The following TBC1D19 variants were observed in gnomAD, a reference collection of about 807,000 sequenced individuals.
TBC1D19 encodes the protein TBC1 domain family, member 19.
A neutral mutation model predicts 89.0 loss-of-function variants in TBC1D19; 60 were observed. The ratio of observed to expected loss-of-function variants is 0.67; its 90% confidence interval spans 0.55 to 0.84. The LOEUF (loss-of-function observed/expected upper bound fraction) is 0.84, where lower values mean the gene tolerates loss of function less well. Among genes scored for constraint, TBC1D19 ranks in the 40% least tolerant of loss-of-function variants. TBC1D19 has a pLI of 0.00. For missense variants in TBC1D19, 500 were observed against 610.8 expected (o/e 0.82, Z 1.91); for synonymous variants, 189 against 199.7 (o/e 0.95, Z 0.45).
the TBC1D19 span, among the ~76,000 whole-genome samples, chr4:26,789,848 A>G: frequency 6.6e-6 from 1 of 152,262 alleles, no homozygotes; most frequent in Non-Finnish European, 1.5e-5. Context: ...ATGGAATACT[A>G]TGCAGCCATA....
chr4:26,776,868 AT>A, the TBC1D19 span, among the ~76,000 whole-genome samples: 1 of 151,810 alleles, frequency 6.6e-6, no homozygotes, highest in African/African-American at 2.4e-5. Flanking sequence ...TTTTGTAAGG[AT>A]TTTTTTCCTT....
In TBC1D19 at chr4:26,683,706, A is replaced by T; in HGVS notation, c.848A>T (p.Asn283Ile). 6.2e-7 allele frequency: 1 copy of T among 1,613,084 alleles called. No homozygotes were observed. The highest frequency in any genetic ancestry group is 8.5e-7 in the Non-Finnish European group (1 of 1,179,658). The change falls in exon 12 of 21, where the codon AAT (asparagine) becomes ATT (isoleucine). Residue 283 changes from asparagine (N) to isoleucine (I), a missense_variant. Coordinates refer to ENST00000264866, the MANE Select transcript of TBC1D19 (RefSeq NM_018317.4). Reference sequence around the variant, plus strand: ...TTGTATTATGAGCAGCTTAAGACCAATGTGATACAACATGACCTTTTGGTG... The same window carrying T: ...TTGTATTATGAGCAGCTTAAGACCATTGTGATACAACATGACCTTTTGGTG... ...DVLYYEQLKT[N>I]VIQHDLLVDS... is the part of the protein sequence containing the mutation.
At chr4:26,739,778 A>T (rs1395704272) in intron 16 of TBC1D19, 86 bp from the exon 17 acceptor site, 4 of 770,478 alleles carry the variant, frequency 5.2e-6, no homozygotes, top group Non-Finnish European at 7.8e-6. Context: ...TTACTATAAA[A>T]TAGTGATTTA....
chr4:26,775,838 T>G, the TBC1D19 span, among the ~76,000 whole-genome samples: 6 of 152,198 alleles, frequency 3.9e-5, no homozygotes, highest in African/African-American at 1.4e-4. Flanking sequence ...TGGTATCTTA[T>G]TATTCTTCAA....
chr4:26,734,657 T>C (rs1217322403), intron 15 of TBC1D19, among the ~76,000 whole-genome samples: 1 of 152,160 alleles, frequency 6.6e-6, no homozygotes, highest in East Asian at 1.9e-4. Context: ...AATTTTCAGT[T>C]AGTTTACTTA....
intron 15 of TBC1D19, among the ~76,000 whole-genome samples, chr4:26,726,126 A>AACACACAC (rs56262902): frequency 2.5e-4 from 32 of 127,180 alleles, no homozygotes; most frequent in Middle Eastern, 3.8e-3. Context: ...CAATTCTCCC[A>AACACACAC]ACACACACAC....
At chr4:26,761,543 T>C in the TBC1D19 span, among the ~76,000 whole-genome samples, 1 of 152,220 alleles carries the variant, frequency 6.6e-6, no homozygotes. Flanking sequence ...ATATTTTATA[T>C]TGACCTTGTA....
chr4:26,629,988 G>C (rs1042540424), intron 4 of TBC1D19, among the ~76,000 whole-genome samples: 3 of 151,270 alleles, frequency 2.0e-5, no homozygotes, highest in African/African-American at 7.3e-5. Flanking sequence ...TAGATAGCTG[G>C]GTTATAATTA....
At chr4:26,628,025 A>G (rs1742545594) in intron 4 of TBC1D19, among the ~76,000 whole-genome samples, 1 of 152,132 alleles carries the variant, frequency 6.6e-6, no homozygotes, top group South Asian at 2.1e-4. Flanking sequence ...TTTAGGTCTA[A>G]CGTTTAAGTC....
chr4:26,691,426 TCAATGCAG>T (rs1577939249), intron 13 of TBC1D19, among the ~76,000 whole-genome samples: 2 of 152,288 alleles, frequency 1.3e-5, no homozygotes, highest in East Asian at 3.9e-4. Context: ...GAAGAGTCTA[TCAATGCAG>T]CAAATTTATT....
chr4:26,577,924 A>G (rs905416695), intron 1 of TBC1D19, among the ~76,000 whole-genome samples: 4 of 152,326 alleles, frequency 2.6e-5, no homozygotes, highest in African/African-American at 9.6e-5. Context: ...TTTTTTAGAT[A>G]AAACAAGAGC....
the TBC1D19 span, among the ~76,000 whole-genome samples, chr4:26,813,424 C>T: frequency 6.6e-6 from 1 of 152,194 alleles, no homozygotes; most frequent in Non-Finnish European, 1.5e-5. Flanking sequence ...ATAGCAATCA[C>T]TGACCTAAAT....
At chr4:26,678,988 C>T (rs2109128337) in intron 11 of TBC1D19, among the ~76,000 whole-genome samples, 1 of 152,204 alleles carries the variant, frequency 6.6e-6, no homozygotes, top group Non-Finnish European at 1.5e-5. Flanking sequence ...TTCTAAGCAG[C>T]AAAGCATTGA....
intron 2 of TBC1D19, 23 bp downstream of exon 2, chr4:26,613,264 C>T (rs748757979): frequency 1.4e-6 from 2 of 1,409,174 alleles, no homozygotes; most frequent in Non-Finnish European, 1.9e-6. Context: ...TTCCTAATAA[C>T]TTAAGGCAAA....
At chr4:26,821,475 T>C in the TBC1D19 span, among the ~76,000 whole-genome samples, 1 of 152,174 alleles carries the variant, frequency 6.6e-6, no homozygotes, top group African/African-American at 2.4e-5. Flanking sequence ...TGTAAACAGG[T>C]ATTTATTTTA....
chr4:26,635,632 A>C (rs112214330), intron 4 of TBC1D19, among the ~76,000 whole-genome samples: 3,868 of 152,200 alleles, frequency 0.025, 84 homozygotes, highest in Non-Finnish European at 0.037. Context: ...CATTGCATTA[A>C]AATTTTTTAA....
intron 4 of TBC1D19, among the ~76,000 whole-genome samples, chr4:26,626,693 A>G (rs1452770088): frequency 1.3e-5 from 2 of 152,158 alleles, no homozygotes; most frequent in East Asian, 3.9e-4. Flanking sequence ...AACCTTGGCA[A>G]AAATGATAAT....
chr4:26,823,192 A>G, the TBC1D19 span, among the ~76,000 whole-genome samples: 238 of 151,972 alleles, frequency 1.6e-3, 1 homozygote, highest in African/African-American at 5.6e-3. Context: ...GTGCAGGAAA[A>G]CTCCCATTTT....
At chr4:26,692,806 G>T (rs910024927) in intron 13 of TBC1D19, among the ~76,000 whole-genome samples, 1 of 152,166 alleles carries the variant, frequency 6.6e-6, no homozygotes, top group Non-Finnish European at 1.5e-5. Context: ...CCTCACAAAG[G>T]ACCATACGTT....
Sources: gnomAD v4.1 joint callset for allele counts (sites outside exome capture counted in the v4.1 genomes callset) on GRCh38, gnomAD v4.1.1 for gene constraint, MANE v1.5 for transcripts, NCBI Gene and HGNC (gene_info 2026-07-23, HGNC 2026-07-21) for gene names.